The following CADM2 variants were observed in gnomAD, a reference collection of about 807,000 sequenced individuals.
The protein encoded by CADM2 is immunoglobulin superfamily member 4D.
In CADM2, 12 loss-of-function variants were observed where a neutral mutation model predicts 49.8. The observed-to-expected ratio is 0.24, with a 90% CI of 0.15 to 0.39. CADM2 has a LOEUF of 0.39. Ranked by LOEUF, CADM2 falls within the 10% of genes least tolerant of loss-of-function variation. CADM2 has a pLI of 1.00. For missense variants in CADM2, 378 were observed against 492.3 expected (o/e 0.77, Z 2.20); for synonymous variants, 214 against 175.4 (o/e 1.22, Z -1.74).
At chr3:85,052,145 C>G (rs1250918779) in intron 1 of CADM2, among the ~76,000 whole-genome samples, 2 of 152,058 alleles carry the variant, frequency 1.3e-5, no homozygotes, top group Non-Finnish European at 2.9e-5. Context: ...TTAAAATAGT[C>G]TTTTATAGCT....
intron 1 of CADM2, among the ~76,000 whole-genome samples, chr3:85,019,989 A>G (rs936690613): frequency 1.1e-4 from 16 of 152,202 alleles, no homozygotes; most frequent in Non-Finnish European, 2.2e-4. Context: ...CCACAAATAC[A>G]AAGATATATG....
intron 3 of CADM2, among the ~76,000 whole-genome samples, chr3:85,830,246 T>G (rs2074126001): frequency 6.6e-6 from 1 of 151,950 alleles, no homozygotes. Flanking sequence ...CATTGTAGAT[T>G]TGATTTGCAT....
intron 1 of CADM2, among the ~76,000 whole-genome samples, chr3:85,529,243 G>GT (rs1169122542): frequency 6.6e-6 from 1 of 152,136 alleles, no homozygotes; most frequent in East Asian, 1.9e-4. Context: ...GACTAGAAAG[G>GT]TATTTTGAGC....
intron 8 of CADM2, among the ~76,000 whole-genome samples, chr3:86,003,438 G>T (rs568470876): frequency 6.6e-6 from 1 of 152,038 alleles, no homozygotes; most frequent in Non-Finnish European, 1.5e-5. Flanking sequence ...TTGCAAGCAG[G>T]GTAAAATCTG....
intron 1 of CADM2, among the ~76,000 whole-genome samples, chr3:85,481,229 G>GATATATATAT (rs3086137): frequency 0.023 from 3,307 of 144,890 alleles, 53 homozygotes; most frequent in Non-Finnish European, 0.033. Flanking sequence ...ATATATATTG[G>GATATATATAT]ATATATATAT....
At chr3:85,111,173 G>C (rs189342323) in intron 1 of CADM2, among the ~76,000 whole-genome samples, 72 of 151,876 alleles carry the variant, frequency 4.7e-4, no homozygotes, top group Non-Finnish European at 8.3e-4. Flanking sequence ...ATATAGGTAT[G>C]AAAAAACATT....
intron 1 of CADM2, among the ~76,000 whole-genome samples, chr3:84,975,212 A>T (rs2031739412): frequency 6.6e-6 from 1 of 151,808 alleles, no homozygotes; most frequent in Non-Finnish European, 1.5e-5. Flanking sequence ...AAAATAAAAC[A>T]GTTATTTAAA....
chr3:85,768,206 A>T (rs968115017), intron 2 of CADM2, among the ~76,000 whole-genome samples: 5 of 151,976 alleles, frequency 3.3e-5, no homozygotes, highest in Admixed American at 2.0e-4. Flanking sequence ...CAGCACTTTG[A>T]GAGGCAGAGG....
At chr3:85,648,922 C>T (rs775002098) in intron 1 of CADM2, among the ~76,000 whole-genome samples, 42 of 151,446 alleles carry the variant, frequency 2.8e-4, no homozygotes, top group Admixed American at 5.9e-4. Flanking sequence ...TTTTTTCCTC[C>T]CACAGTGGAT....
At chr3:85,320,440 C>T (rs571809109) in intron 1 of CADM2, among the ~76,000 whole-genome samples, 4 of 152,076 alleles carry the variant, frequency 2.6e-5, no homozygotes, top group Non-Finnish European at 4.4e-5. Context: ...TTTCACGTAA[C>T]GCAAGCTACA....
At chr3:85,491,875 C>T (rs1160604459) in intron 1 of CADM2, among the ~76,000 whole-genome samples, 1 of 150,694 alleles carries the variant, frequency 6.6e-6, no homozygotes, top group Non-Finnish European at 1.5e-5. Flanking sequence ...TGGCGTGAAT[C>T]GGGCAGGCGG....
intron 1 of CADM2, among the ~76,000 whole-genome samples, chr3:85,644,091 T>C (rs1220374614): frequency 6.6e-6 from 1 of 152,174 alleles, no homozygotes; most frequent in East Asian, 1.9e-4. Context: ...TATCACAGGC[T>C]GACACACACT....
At chr3:85,281,585 G>A (rs918604125) in intron 1 of CADM2, among the ~76,000 whole-genome samples, 1 of 152,044 alleles carries the variant, frequency 6.6e-6, no homozygotes, top group Middle Eastern at 3.2e-3. Flanking sequence ...AGAAAAGTAT[G>A]AGAATAGTTT....
chr3:85,729,488 G>C (rs2067843998), intron 2 of CADM2, among the ~76,000 whole-genome samples: 2 of 74,820 alleles, frequency 2.7e-5, no homozygotes, highest in African/African-American at 1.2e-4. Context: ...CTGGGAAAGG[G>C]CTAGAGAGAG....
chr3:85,494,681 C>T (rs1050301619), intron 1 of CADM2, among the ~76,000 whole-genome samples: 2 of 152,094 alleles, frequency 1.3e-5, no homozygotes, highest in Non-Finnish European at 2.9e-5. Context: ...CCATTGAGGA[C>T]TATATTGACA....
Position 85,442,196 on chromosome 3 carries a change from C to T in CADM2, c.62-284326C>T, listed in dbSNP as rs371251165. On this transcript the variant is annotated intron_variant, in intron 1 of 9. Transcript: ENST00000383699. Reference sequence around the variant, plus strand: ...CTCAGTATTATATTTTCCTTGTTCTCTCTCCAGCCTCACCATTCTAATAGT... The same window carrying T: ...CTCAGTATTATATTTTCCTTGTTCTTTCTCCAGCCTCACCATTCTAATAGT... Among the ~76,000 whole-genome samples the T allele has an allele frequency of 4.6e-5, 7 of 152,148 alleles. No individual in the cohort carries two copies. The East Asian group carries it at 1.4e-3, about 29-fold the overall frequency.
intron 8 of CADM2, among the ~76,000 whole-genome samples, chr3:86,046,315 A>G (rs1736680223): frequency 6.6e-6 from 1 of 152,174 alleles, no homozygotes; most frequent in South Asian, 2.1e-4. Context: ...TATTTTAAAA[A>G]CACGTAGTAT....
At chr3:85,594,774 CTA>C (rs1176920573) in intron 1 of CADM2, among the ~76,000 whole-genome samples, 6 of 151,958 alleles carry the variant, frequency 3.9e-5, no homozygotes, top group Non-Finnish European at 5.9e-5. Context: ...TTATAAAATG[CTA>C]TGACAAAGAG....
At chr3:85,256,828 A>G (rs72917154) in intron 1 of CADM2, among the ~76,000 whole-genome samples, 10,347 of 152,156 alleles carry the variant, frequency 0.068, 1,154 homozygotes, top group African/African-American at 0.23. Context: ...AAACAGTTAT[A>G]TTTATCTACT....
Sources: gnomAD v4.1 joint callset for allele counts (sites outside exome capture counted in the v4.1 genomes callset) on GRCh38, gnomAD v4.1.1 for gene constraint, MANE v1.5 for transcripts, NCBI Gene and HGNC (gene_info 2026-07-23, HGNC 2026-07-21) for gene names.